Variants in MTUS2 observed in about 807,000 individuals in gnomAD.
The protein encoded by MTUS2 is microtubule associated scaffold protein 2, also known as microtubule-associated tumor suppressor candidate 2.
Under a neutral mutation model 114.1 loss-of-function variants are expected in MTUS2, and 40 were observed. That is an observed-to-expected ratio of 0.35 (90% confidence interval 0.27 to 0.46). The LOEUF (loss-of-function observed/expected upper bound fraction) is 0.46. MTUS2 is among the 20% of genes least tolerant of loss of function. The probability of loss-of-function intolerance (pLI) is 1.00; values close to 1 mark genes in which losing one functional copy is unlikely to be tolerated. For missense variants in MTUS2, 1,679 were observed against 1,705.4 expected, an observed-to-expected ratio of 0.98 and a Z score of 0.27; for synonymous variants, 688 against 672.0, an observed-to-expected ratio of 1.02 and a Z score of -0.37.
intron 2 of MTUS2, among the ~76,000 whole-genome samples, chr13:28,866,486 A>G (rs1188246856): frequency 6.6e-6 from 1 of 152,128 alleles, no homozygotes; most frequent in Non-Finnish European, 1.5e-5. Flanking sequence ...TGCTTATGGC[A>G]TCTGTGCTTC....
chr13:28,931,560 G>A (rs1270799472), intron 2 of MTUS2, among the ~76,000 whole-genome samples: 1 of 152,168 alleles, frequency 6.6e-6, no homozygotes, highest in Non-Finnish European at 1.5e-5. Context: ...CTCTCTAGCT[G>A]TGTGGAACTG....
chr13:28,967,600 C>T (rs1437944825), intron 2 of MTUS2, among the ~76,000 whole-genome samples: 1 of 152,176 alleles, frequency 6.6e-6, no homozygotes, highest in Non-Finnish European at 1.5e-5. Flanking sequence ...GAATGTTATT[C>T]ACCAAAAGTA....
At chr13:28,908,178 G>T (rs958848092) in intron 2 of MTUS2, among the ~76,000 whole-genome samples, 4 of 151,044 alleles carry the variant, frequency 2.6e-5, no homozygotes, top group Non-Finnish European at 5.9e-5. Context: ...TTTAGGGTAC[G>T]TGTACACAAC....
chr13:29,109,061 C>T (rs1890780925), intron 5 of MTUS2, among the ~76,000 whole-genome samples: 1 of 152,028 alleles, frequency 6.6e-6, no homozygotes. Flanking sequence ...GTTAAAACCC[C>T]ACCTTCTCTC....
At chr13:29,492,199 GT>G (rs1882217788) in intron 11 of MTUS2, among the ~76,000 whole-genome samples, 2 of 2,866 alleles carry the variant, frequency 7.0e-4, no homozygotes, top group Admixed American at 0.01. Flanking sequence ...GTATGTGTGT[GT>G]GGTGTGTATG....
At chr13:29,357,812 A>G (rs1321548979) in intron 7 of MTUS2, among the ~76,000 whole-genome samples, 1 of 152,246 alleles carries the variant, frequency 6.6e-6, no homozygotes, top group Non-Finnish European at 1.5e-5. Context: ...GTGAGGTTAC[A>G]TGGCAATCTC....
rs1886426584 is a variant in MTUS2, at chr13:29,024,653, C to T, written c.-46C>T. 4 of 1,585,992 alleles carry T rather than the reference C, an allele frequency of 2.5e-6. No homozygotes were observed. Among genetic ancestry groups the T allele is most frequent in the South Asian group, 2.4e-5 (2 of 85,086 alleles). Reference sequence around the variant, plus strand: ...TTGCAGCTTGAAGGCAGCCCATTTCCATTAAGTAGGACTGCATGGCAAGCA... The same window carrying T: ...TTGCAGCTTGAAGGCAGCCCATTTCTATTAAGTAGGACTGCATGGCAAGCA... On this transcript the variant is annotated 5_prime_UTR_variant, in exon 3 of 16. Transcript: ENST00000612955.
chr13:29,495,355 CAAAAAAAAA>C (rs561721512), intron 12 of MTUS2, among the ~76,000 whole-genome samples: 2,743 of 29,808 alleles, frequency 0.092, 47 homozygotes, highest in Non-Finnish European at 0.14. Context: ...GAGTCTTTGT[CAAAAAAAAA>C]AAAAAAAAAA....
At chr13:28,912,136 G>A (rs57089129) in intron 2 of MTUS2, among the ~76,000 whole-genome samples, 5,331 of 151,928 alleles carry the variant, frequency 0.035, 293 homozygotes, top group African/African-American at 0.12. Context: ...TTTTTTAATA[G>A]TTTTGAGTTT....
chr13:29,377,688 A>G (rs893463240), intron 8 of MTUS2, among the ~76,000 whole-genome samples: 1 of 152,190 alleles, frequency 6.6e-6, no homozygotes, highest in Non-Finnish European at 1.5e-5. Flanking sequence ...ACTCAAATCA[A>G]TAAGCTTCTA....
At chr13:29,211,126 C>T (rs1322567893) in intron 5 of MTUS2, among the ~76,000 whole-genome samples, 1 of 152,056 alleles carries the variant, frequency 6.6e-6, no homozygotes, top group African/African-American at 2.4e-5. Context: ...CCCAGACTGT[C>T]CTCGGTGGGT....
chr13:29,178,498 A>G (rs928689496), intron 5 of MTUS2, among the ~76,000 whole-genome samples: 28 of 152,224 alleles, frequency 1.8e-4, no homozygotes, highest in Non-Finnish European at 2.2e-4. Flanking sequence ...GGGCAAGATA[A>G]TTCTTCGCTG....
chr13:29,158,358 C>CCCCCCCTCTTTTT, intron 5 of MTUS2, among the ~76,000 whole-genome samples: 1 of 32,048 alleles, frequency 3.1e-5, no homozygotes, highest in Non-Finnish European at 5.1e-5. Flanking sequence ...GTCCACCCCG[C>CCCCCCCTCTTTTT]TTTTTTTTTT....
rs899299230 is a variant in MTUS2, at chr13:29,232,936, G to A, written c.2645-48768G>A. Among the ~76,000 whole-genome samples, 6 of 152,154 alleles carry A rather than the reference G, an allele frequency of 3.9e-5. No homozygotes were observed. The East Asian group carries it at 7.7e-4, about 20-fold the overall frequency. ...CGGCTGTTGTTTTCAACTGAATTAG[G>A]AGGGATTTCACAGTGAATGTTCCTA... On this transcript the variant is annotated intron_variant, in intron 5 of 15. Transcript: ENST00000612955.
chr13:29,069,979 T>C (rs1888840975), intron 4 of MTUS2, among the ~76,000 whole-genome samples: 1 of 152,260 alleles, frequency 6.6e-6, no homozygotes, highest in Non-Finnish European at 1.5e-5. Context: ...TCCTATTTTC[T>C]ACACTCTTCC....
chr13:28,987,681 A>G (rs1421228814), intron 2 of MTUS2, among the ~76,000 whole-genome samples: 1 of 152,170 alleles, frequency 6.6e-6, no homozygotes, highest in Admixed American at 6.5e-5. Flanking sequence ...AGACCATATT[A>G]GCTTTCTGTT....
At chr13:29,406,021 G>A (rs981609022) in intron 8 of MTUS2, among the ~76,000 whole-genome samples, 1 of 152,286 alleles carries the variant, frequency 6.6e-6, no homozygotes, top group African/African-American at 2.4e-5. Context: ...GATTACAGGC[G>A]TGAGTCACTG....
At chr13:29,389,465 GTGTATA>G (rs1380039138) in intron 8 of MTUS2, among the ~76,000 whole-genome samples, 1 of 105,048 alleles carries the variant, frequency 9.5e-6, no homozygotes, top group Non-Finnish European at 2.2e-5. Flanking sequence ...GTGTGTGTAT[GTGTATA>G]TGTATACACG....
chr13:29,233,594 C>G (rs750141149), intron 5 of MTUS2, among the ~76,000 whole-genome samples: 2 of 152,212 alleles, frequency 1.3e-5, no homozygotes, highest in Non-Finnish European at 2.9e-5. Context: ...TTCAGAACCT[C>G]GTGCTGGGAG....
Sources: allele counts gnomAD v4.1 joint callset (sites outside exome capture counted in the v4.1 genomes callset), GRCh38; gene constraint gnomAD v4.1.1; transcripts MANE v1.5; gene names NCBI Gene and HGNC (gene_info 2026-07-23, HGNC 2026-07-21).